TTN: variants seen among roughly 807,000 people sequenced by gnomAD.
TTN encodes connectin.
In TTN, 1,525 loss-of-function variants were observed where a neutral mutation model predicts 3,223.0. The observed-to-expected ratio is 0.47, with a 90% CI of 0.45 to 0.49. TTN has a LOEUF of 0.49. Among genes scored for constraint, TTN ranks in the 20% least tolerant of loss-of-function variants. The pLI is 0.00. For synonymous variants in TTN, 14,094 were observed against 15,161.0 expected, an observed-to-expected ratio of 0.93 and a Z score of 5.17; for missense variants, 40,786 against 43,424.0, an observed-to-expected ratio of 0.94 and a Z score of 5.40.
chr2:178,558,343 A>T lies in TTN; in HGVS notation c.87116T>A (p.Leu29039Gln). 1 of 1,610,688 alleles carries T rather than the reference A, an allele frequency of 6.2e-7. No homozygotes were observed. Among genetic ancestry groups the T allele is most frequent in the Non-Finnish European group, 8.5e-7 (1 of 1,179,046 alleles). ...CTTCTACACAAAATTAGACATACCT[A>T]GTTGCTCCTTAATAAGAACAGGAAG... The part of the protein sequence containing the change: ...LLLPVLIKEQ[L>Q]EPPEIDMKNF... Residue 29039 changes from leucine (L) to glutamine (Q), a missense_variant and splice_region_variant, in exon 327 of 363, where the codon CTA (leucine) becomes CAA (glutamine). Transcript: ENST00000589042.
chr2:178,757,943 T>C (rs1363544165), intron 44 of TTN, 27 bp from the exon 45 acceptor site: 3 of 1,513,050 alleles, frequency 2.0e-6, no homozygotes, highest in African/African-American at 1.4e-5. Context: ...CAATTTTTAA[T>C]GTCTTACCTT....
chr2:178,702,526 G>C lies in TTN; in HGVS notation c.30361C>G (p.Gln10121Glu), dbSNP rs1433870889. Residue 10121 changes from glutamine (Q) to glutamate (E), a missense_variant, in exon 107 of 363, where the codon CAG becomes GAG. Coordinates refer to ENST00000589042, the MANE Select transcript of TTN (RefSeq NM_001267550.2). ...YKGPTELTES[Q>E]KYNFRNDGRC... ...CCATCATTCCTGAAGTTGTATTTCT[G>C]GCTCTCTGTCAGTTCTGTTGGTCCT... 3 of 1,613,894 alleles carry C rather than the reference G, an allele frequency of 1.9e-6. No individual in the cohort carries two copies. In the East Asian group the frequency reaches 6.7e-5, roughly 36 times the overall value.
Position 178,684,373 on chromosome 2 carries a change from A to G in TTN, c.32679T>C (p.Val10893=), listed in dbSNP as rs772394368. The change falls in exon 132 of 363, where the codon GTT becomes GTC. Residue 10893 remains valine (V), a synonymous_variant. Coordinates refer to ENST00000589042, the MANE Select transcript of TTN (RefSeq NM_001267550.2). ...RHMQITQEEK[V]LVAVTKKEAP... ...CCTCTTTTTTAGTTACAGCAACAAG[A>G]ACTTTTTCTTCCTGGGTAATTTGCA... 6.2e-7 allele frequency: 1 copy of G among 1,613,510 alleles called. No individual in the cohort carries two copies. The highest frequency in any genetic ancestry group is 8.5e-7 in the Non-Finnish European group (1 of 1,179,668).
In TTN at chr2:178,575,719, A is replaced by G. The variant is rs764793576; in HGVS notation, c.70413T>C (p.Ile23471=). ...IDGGSRITNY[I]VEKREATRKS... is the part of the protein sequence containing the mutation. Reference sequence around the variant, plus strand: ...TCCGTGTTGCTTCACGTTTCTCTACAATGTAGTTTGTTATACGTGAGCCTC... The same window carrying G: ...TCCGTGTTGCTTCACGTTTCTCTACGATGTAGTTTGTTATACGTGAGCCTC... Residue 23471 remains isoleucine, a synonymous_variant, in exon 326 of 363, where the codon ATT becomes ATC. Transcript: ENST00000589042. The surrounding 1 kb of genome is among the most constrained non-coding windows in gnomAD (Gnocchi z 4.0). The G allele has an allele frequency of 3.7e-6, 6 of 1,613,316 alleles. No individual in the cohort carries two copies. The highest frequency in any genetic ancestry group is 5.1e-6 in the Non-Finnish European group (6 of 1,179,634).
intron 332 of TTN, 113 bp from the exon 333 acceptor site, chr2:178,554,329 C>G (rs1473788695): frequency 2.1e-6 from 3 of 1,440,416 alleles, no homozygotes; most frequent in Non-Finnish European, 2.8e-6. Context: ...ATATTTTTCA[C>G]CTTGTGAAAA....
chr2:178,633,715 A>C (rs1559966702), intron 231 of TTN, 39 bp from the exon 232 acceptor site: 4 of 1,606,780 alleles, frequency 2.5e-6, no homozygotes, highest in Non-Finnish European at 3.4e-6. Flanking sequence ...AAGAATGTGA[A>C]AATTAAAGTT....
chr2:178,678,385 CAAGT>C, intron 144 of TTN, 25 bp downstream of exon 144: 1 of 1,559,894 alleles, frequency 6.4e-7, no homozygotes, highest in Non-Finnish European at 8.7e-7. Context: ...TTTTTTCCCC[CAAGT>C]ACTCTAAGTG....
In TTN at chr2:178,594,124, A is replaced by G; in HGVS notation, c.58269T>C (p.Asp19423=). Residue 19423 remains aspartate, a synonymous_variant, in exon 297 of 363, where the codon GAT becomes GAC. Coordinates refer to ENST00000589042, the MANE Select transcript of TTN (RefSeq NM_001267550.2). ...KPKPKVSWFK[D]EADVLEDDRT... ...GATCATCTTCCAGCACATCAGCTTCATCTTTGAACCAGGAAACCTTAGGCT... is the reference window on the plus strand; with the variant it reads ...GATCATCTTCCAGCACATCAGCTTCGTCTTTGAACCAGGAAACCTTAGGCT... 2.5e-6 allele frequency: 4 copies of G among 1,613,428 alleles called. No individual in the cohort carries two copies. The highest frequency in any genetic ancestry group is 3.4e-6 in the Non-Finnish European group (4 of 1,179,640).
At position 178,633,907 on chromosome 2, in the gene TTN, A is replaced by G. The variant is rs763186372; in HGVS notation, c.42592T>C (p.Leu14198=). 10 of 1,613,216 alleles carry G rather than the reference A, an allele frequency of 6.2e-6. No homozygotes were observed. The South Asian group carries it at 8.8e-5, about 14-fold the overall frequency. The change falls in exon 231 of 363, where the codon TTG becomes CTG. Residue 14198 remains leucine (L), a synonymous_variant. Transcript: ENST00000589042. ...TCCAATGTCACTTCTTTCATTTCCA[A>G]TTTGTGAGTCTTGCCCTCAGAAGAG... ...LISSEGKTHK[L]EMKEVTLDDI... is the part of the protein sequence containing the mutation.
Position 178,610,987 on chromosome 2 carries a change from G to T in TTN, c.51136+6C>A. ...AATGTCTGGTTTTTCTTCAAAGAAT[G>T]ATTACCTATGACTTTGACATTGATT... On this transcript the variant is annotated splice_donor_region_variant and intron_variant, in intron 270 of 362. Coordinates refer to ENST00000589042, the MANE Select transcript of TTN (RefSeq NM_001267550.2). The T allele has an allele frequency of 6.2e-7, 1 of 1,610,514 alleles. No individual in the cohort carries two copies. Among genetic ancestry groups the T allele is most frequent in the Non-Finnish European group, 8.5e-7 (1 of 1,178,592 alleles).
intron 44 of TTN, chr2:178,758,775 G>A (rs2088098350): frequency 5.0e-6 from 3 of 601,316 alleles, no homozygotes; most frequent in Non-Finnish European, 8.9e-6. Flanking sequence ...GAAAAAGCGG[G>A]GCCAAATGAA....
chr2:178,554,319 A>T, intron 332 of TTN, 103 bp from the exon 333 acceptor site: 1 of 1,449,870 alleles, frequency 6.9e-7, no homozygotes, highest in Non-Finnish European at 9.3e-7. Context: ...TTTATTTTTT[A>T]TATTTTTCAC....
rs767346718 is a variant in TTN, at chr2:178,771,443, A to G, written c.7884T>C (p.Asp2628=). 1.2e-6 allele frequency: 2 copies of G among 1,613,794 alleles called. No homozygotes were observed. Among genetic ancestry groups the G allele is most frequent in the Non-Finnish European group, 1.7e-6 (2 of 1,179,842 alleles). ...CTTCCTGGGATTCAGCTACGGTCTG[A>G]TCTGTGAGTGGCTTGGAGATGGCCC... ...AGGAISKPLT[D]QTVAESQEAV... The change falls in exon 34 of 363, where the codon GAT becomes GAC. Residue 2628 remains aspartate (D), a synonymous_variant. Coordinates refer to ENST00000589042, the MANE Select transcript of TTN (RefSeq NM_001267550.2).
chr2:178,532,779 T>A lies in TTN; in HGVS notation c.103836A>T (p.Thr34612=). The change falls in exon 358 of 363, where the codon ACA becomes ACT. Residue 34612 remains threonine (T), a synonymous_variant. Coordinates refer to ENST00000589042, the MANE Select transcript of TTN (RefSeq NM_001267550.2). The stretch of plus-strand genomic sequence containing the variant: ...TACGCCATTTAGGTCTGTATTGATC[T>A]GTAATGCGTGGAAGAGGCATCACAT... ...QFYVMPLPRI[T]DQYRPKWRIP... is the part of the protein sequence containing the mutation. 6.2e-7 allele frequency: 1 copy of A among 1,614,000 alleles called. No homozygotes were observed. Among genetic ancestry groups the A allele is most frequent in the Non-Finnish European group, 8.5e-7 (1 of 1,179,870 alleles).
At position 178,533,586 on chromosome 2, in the gene TTN, G is replaced by T. The variant is rs375852057; in HGVS notation, c.103029C>A (p.Ser34343Arg). 1.2e-6 allele frequency: 2 copies of T among 1,613,926 alleles called. No homozygotes were observed. The highest frequency in any genetic ancestry group is 2.7e-5 in the African/African-American group (2 of 75,050). ...GGGTTACTGTCAGCTTTGCTTTACA[G>T]CTGTCTTCACCATATTTGTTCCTTG... ...VVARNKYGED[S>R]CKAKLTVTLH... The change falls in exon 358 of 363, where the codon AGC becomes AGA. Residue 34343 changes from serine (S) to arginine (R), a missense_variant. By Grantham distance (110) the Ser-to-Arg change is moderately radical. Transcript: ENST00000589042.
chr2:178,707,772 C>A lies in TTN; in HGVS notation c.28795G>T (p.Val9599Leu), dbSNP rs887090503. The A allele has an allele frequency of 9.3e-6, 15 of 1,613,310 alleles. No individual in the cohort carries two copies. Among genetic ancestry groups the A allele is most frequent in the African/African-American group, 1.3e-5 (1 of 74,932 alleles). ...PPVFDQHLTPVTVSEGEYVQL... is the reference protein window; with the variant it reads ...PPVFDQHLTPLTVSEGEYVQL... ...ACGTATTCTCCTTCACTCACTGTTA[C>A]TGGAGTAAGGTGCTGATCAAATACA... The change falls in exon 100 of 363, where the codon GTA becomes TTA. Residue 9599 changes from valine to leucine, a missense_variant. Physicochemically the swap from Val to Leu is conservative, Grantham distance 32. Coordinates refer to ENST00000589042, the MANE Select transcript of TTN (RefSeq NM_001267550.2).
intron 111 of TTN, among the ~76,000 whole-genome samples, chr2:178,699,442 C>G (rs541574715): frequency 1.1e-5 from 1 of 88,226 alleles, no homozygotes; most frequent in Non-Finnish European, 2.2e-5. Context: ...GACGGAGTCC[C>G]GCTGTTTAGC....
chr2:178,792,880 T>C (rs546393241), intron 9 of TTN, among the ~76,000 whole-genome samples: 1 of 152,210 alleles, frequency 6.6e-6, no homozygotes, highest in Non-Finnish European at 1.5e-5. Context: ...CATTTTCCAA[T>C]CTGTCCCCAA....
At position 178,591,493 on chromosome 2, in the gene TTN, C is replaced by T. The variant is rs77351975; in HGVS notation, c.60232G>A (p.Val20078Met). 1,994 of 1,583,996 alleles carry T rather than the reference C, an allele frequency of 1.3e-3. 22 individuals are homozygous for T. The African/African-American group carries it at 0.022, about 18-fold the overall frequency. The change falls in exon 304 of 363, where the codon GTG becomes ATG. Residue 20078 changes from valine (V) to methionine (M), a missense_variant. Physicochemically the swap from Val to Met is conservative, Grantham distance 21. Coordinates refer to ENST00000589042, the MANE Select transcript of TTN (RefSeq NM_001267550.2). ...ECQEKLVPPSVELDVKLIEGL... is the reference protein window; with the variant it reads ...ECQEKLVPPSMELDVKLIEGL... ...TCAATTAATTTCACATCTAGCTCCA[C>T]GGATGGAGGCACTGAAAAGTAAACA...
Sources: gnomAD v4.1 joint callset for allele counts (sites outside exome capture counted in the v4.1 genomes callset) on GRCh38, gnomAD v4.1.1 for gene constraint, Gnocchi (gnomAD v3.1) non-coding constraint, MANE v1.5 for transcripts, NCBI Gene and HGNC (gene_info 2026-07-23, HGNC 2026-07-21) for gene names.